The following ATM variants were observed in gnomAD, a reference collection of about 807,000 sequenced individuals.
ATM encodes the protein serine-protein kinase ATM.
In ATM, 308 loss-of-function variants were observed where a neutral mutation model predicts 387.0. The observed-to-expected ratio is 0.80, with a 90% confidence interval of 0.73 to 0.87. The LOEUF is 0.87. ATM is among the 40% of genes least tolerant of loss of function. The probability of loss-of-function intolerance (pLI) is 0.00; values close to 1 mark genes in which losing one functional copy is unlikely to be tolerated. For synonymous variants in ATM, 1,156 were observed against 1,187.3 expected, an observed-to-expected ratio of 0.97 and a Z score of 0.54; for missense variants, 3,312 against 3,560.9, an observed-to-expected ratio of 0.93 and a Z score of 1.78.
chr11:108,268,692 A>G (rs978395096), intron 18 of ATM, 83 bp downstream of exon 18: 24 of 1,412,900 alleles, frequency 1.7e-5, no homozygotes, highest in Admixed American at 1.4e-4. Flanking sequence ...TAAGAATCAC[A>G]TGGTGTCTTT....
chr11:108,304,926 A>T (rs2135947907), intron 37 of ATM, 74 bp downstream of exon 37: 2 of 1,496,268 alleles, frequency 1.3e-6, no homozygotes, highest in Admixed American at 3.5e-5. Context: ...ATGGAATCCC[A>T]CTAAAAGCAC....
At chr11:108,336,557 T>C (rs1358028538) in intron 56 of ATM, 1 of 153,548 alleles carries the variant, frequency 6.5e-6, no homozygotes, top group African/African-American at 2.4e-5. Flanking sequence ...TTTATACAAG[T>C]CCTTATCGAT....
intron 8 of ATM, among the ~76,000 whole-genome samples, chr11:108,248,709 A>G (rs1163589733): frequency 1.3e-5 from 2 of 152,058 alleles, no homozygotes; most frequent in African/African-American, 2.4e-5. Flanking sequence ...ACCAACATGG[A>G]GAAACTCTGT....
chr11:108,262,753 GAC>G (rs1467940224), intron 16 of ATM, among the ~76,000 whole-genome samples: 1 of 149,206 alleles, frequency 6.7e-6, no homozygotes, highest in Non-Finnish European at 1.5e-5. Flanking sequence ...CACGTGCAGA[GAC>G]ACACATAGGC....
intron 26 of ATM, among the ~76,000 whole-genome samples, chr11:108,285,610 CT>C (rs533744772): frequency 2.9e-3 from 421 of 143,786 alleles, no homozygotes; most frequent in Non-Finnish European, 3.2e-3. Flanking sequence ...TTCAAGGGAC[CT>C]TTTTTTTTTT....
chr11:108,350,462 G>A (rs2089053944), intron 59 of ATM, among the ~76,000 whole-genome samples: 1 of 152,202 alleles, frequency 6.6e-6, no homozygotes, highest in African/African-American at 2.4e-5. Context: ...CTAAGAAGCA[G>A]TTTTAGCAGA....
rs1345333625 is a variant in ATM, at chr11:108,368,115, TA to T, written c.*2609del. 8 of 207,272 alleles carry T rather than the reference TA, an allele frequency of 3.9e-5. No homozygotes were observed. Among genetic ancestry groups the T allele is most frequent in the African/African-American group, 1.8e-4 (8 of 43,950 alleles). 12.8% of individuals were successfully genotyped at this position (207,272 alleles called of 1,614,324 possible). Reference sequence around the variant, plus strand: ...AGGCTCCTGTTCTGTTCAAGTATTCTAATCAATGGCTTTGAAAAGTTTATCA... The same window carrying T: ...AGGCTCCTGTTCTGTTCAAGTATTCTATCAATGGCTTTGAAAAGTTTATCA... On this transcript the variant is annotated 3_prime_UTR_variant, in exon 63 of 63. Coordinates refer to ENST00000675843, the MANE Select transcript of ATM (RefSeq NM_000051.4).
chr11:108,347,981 C>G (rs1454458945), intron 59 of ATM, among the ~76,000 whole-genome samples: 1 of 152,042 alleles, frequency 6.6e-6, no homozygotes, highest in South Asian at 2.1e-4. Context: ...GTTGTAGAAA[C>G]CAGAATATTG....
intron 52 of ATM, among the ~76,000 whole-genome samples, chr11:108,332,243 C>T (rs2086340401): frequency 6.6e-6 from 1 of 151,986 alleles, no homozygotes; most frequent in African/African-American, 2.4e-5. Flanking sequence ...TCCTGGCTGA[C>T]CGACACAGCA....
chr11:108,267,084 C>G (rs897716819), intron 16 of ATM, 87 bp from the exon 17 acceptor site: 1 of 1,366,426 alleles, frequency 7.3e-7, no homozygotes, highest in African/African-American at 1.4e-5. Flanking sequence ...ATGTGAGCCA[C>G]TGTGCCCAGC....
chr11:108,302,261 T>C (rs1024738273), intron 35 of ATM, among the ~76,000 whole-genome samples: 5 of 152,182 alleles, frequency 3.3e-5, no homozygotes, highest in African/African-American at 1.2e-4. Context: ...CTGTGAAGCA[T>C]GTTTAAGAAC....
rs1464546178 is a variant in ATM, at chr11:108,257,605, A to G, written c.2375A>G (p.Lys792Arg). Reference sequence around the variant, plus strand: ...ACACGTTGCTTGAGCAACTGTACCAAGGTAAGATTTTCTTCTTCTTGTTTT... The same window carrying G: ...ACACGTTGCTTGAGCAACTGTACCAGGGTAAGATTTTCTTCTTCTTGTTTT... ...LCTRCLSNCT[K>R]KSPNKIASGF... Residue 792 changes from lysine to arginine, a missense_variant and splice_region_variant, in exon 15 of 63, where the codon AAG (lysine) becomes AGG (arginine). By Grantham distance (26) the Lys-to-Arg change is conservative (BLOSUM62 2). Transcript: ENST00000675843. The G allele has an allele frequency of 6.2e-7, 1 of 1,613,444 alleles. No homozygotes were observed. Among genetic ancestry groups the G allele is most frequent in the Non-Finnish European group, 8.5e-7 (1 of 1,179,956 alleles).
Position 108,249,096 on chromosome 11 carries a change from T to C in ATM, c.1229T>C (p.Val410Ala), listed in dbSNP as rs56128736. The C allele has an allele frequency of 2.8e-3, 4,554 of 1,613,936 alleles. 11 individuals are homozygous for C. The highest frequency in any genetic ancestry group is 3.4e-3 in the Non-Finnish European group (4,031 of 1,179,926). ...LQKSQNDFDL[V>A]PWLQIATQLI... Reference sequence around the variant, plus strand: ...AAGTCACAGAATGATTTTGATCTTGTGCCTTGGTAAAGTGTTACCATTTTC... The same window carrying C: ...AAGTCACAGAATGATTTTGATCTTGCGCCTTGGTAAAGTGTTACCATTTTC... Residue 410 changes from valine to alanine, a missense_variant, in exon 9 of 63, where the codon GTG becomes GCG. Around this residue, in one of 4 missense-constraint regions of ATM, gnomAD observed 1,791 missense variants for 1,804.5 expected, o/e 0.99. Transcript: ENST00000675843.
chr11:108,346,592 G>A (rs1253483082), intron 58 of ATM: 1 of 152,090 alleles, frequency 6.6e-6, no homozygotes, highest in Non-Finnish European at 1.5e-5. Context: ...AGAGTTCCCA[G>A]GTAATTGTGA....
intron 20 of ATM, among the ~76,000 whole-genome samples, chr11:108,271,941 C>G (rs934090470): frequency 1.3e-5 from 2 of 152,216 alleles, no homozygotes; most frequent in Non-Finnish European, 2.9e-5. Context: ...GGTGCTATAT[C>G]TGCTCACTGC....
At chr11:108,261,382 T>A (rs1255804040) in intron 16 of ATM, among the ~76,000 whole-genome samples, 1 of 152,110 alleles carries the variant, frequency 6.6e-6, no homozygotes, top group Non-Finnish European at 1.5e-5. Context: ...CACTGACACC[T>A]CACATGGCAG....
chr11:108,364,375 A>G (rs943970962), intron 61 of ATM, among the ~76,000 whole-genome samples: 50 of 152,214 alleles, frequency 3.3e-4, no homozygotes, highest in African/African-American at 1.2e-3. Context: ...TGAACTGCCA[A>G]TATCAGAAAT....
chr11:108,301,321 G>A (rs1591707361), intron 34 of ATM, among the ~76,000 whole-genome samples: 1 of 152,118 alleles, frequency 6.6e-6, no homozygotes. Context: ...TGAAGATGTG[G>A]ACAAAAGGAT....
intron 61 of ATM, among the ~76,000 whole-genome samples, chr11:108,359,953 G>A (rs60972360): frequency 6.6e-6 from 1 of 151,658 alleles, no homozygotes; most frequent in Non-Finnish European, 1.5e-5. Context: ...AATCAGAGCA[G>A]AACTGAAGGA....
Sources: gnomAD v4.1 joint callset for allele counts (sites outside exome capture counted in the v4.1 genomes callset) on GRCh38, gnomAD v4.1.1 for gene constraint, gnomAD v4.1.1 regional missense constraint, MANE v1.5 for transcripts, NCBI Gene and HGNC (gene_info 2026-07-23, HGNC 2026-07-21) for gene names.